The following PRAMEF19 variants were observed in gnomAD, a reference collection of about 807,000 sequenced individuals.
PRAMEF19 encodes PRAME family member 19.
In PRAMEF19, 21 loss-of-function variants were observed where a neutral mutation model predicts 33.1. That is an observed-to-expected ratio of 0.63 (90% CI 0.45 to 0.91). The LOEUF (loss-of-function observed/expected upper bound fraction) is 0.91, where lower values mean the gene tolerates loss of function less well. PRAMEF19 is among the 40% of genes least tolerant of loss of function. The probability of loss-of-function intolerance (pLI) is 0.00; values close to 1 mark genes in which losing one functional copy is unlikely to be tolerated. For missense variants in PRAMEF19, 481 were observed against 585.2 expected (o/e 0.82, Z 1.84); for synonymous variants, 179 against 229.3 (o/e 0.78, Z 1.98).
chr1:13,369,316 C>T (rs747000409), exon 3 of PRAMEF19: 1 of 1,612,086 alleles, frequency 6.2e-7, no homozygotes, highest in Non-Finnish European at 8.5e-7. Flanking sequence ...TGTGGCGCAG[C>T]AGGTCCTTCA....
In PRAMEF19 at chr1:13,371,606, C is replaced by T. The variant is rs1233848951; in HGVS notation, c.287+8G>A. Reference sequence around the variant, plus strand: ...ACACCTGGGCCCTCCCCACCTGGGTCACCTCACCTGGGGCGAACCTTTTGG... The same window carrying T: ...ACACCTGGGCCCTCCCCACCTGGGTTACCTCACCTGGGGCGAACCTTTTGG... On this transcript the variant is annotated splice_region_variant and intron_variant, in intron 1 of 2. Transcript: ENST00000376101. The T allele has an allele frequency of 6.2e-7, 1 of 1,610,780 alleles. No homozygotes were observed. The highest frequency in any genetic ancestry group is 8.5e-7 in the Non-Finnish European group (1 of 1,179,856).
exon 2 of PRAMEF19, chr1:13,370,793 T>C: frequency 5.6e-6 from 9 of 1,613,938 alleles, no homozygotes; most frequent in African/African-American, 1.3e-5. Flanking sequence ...ACCACAGCCA[T>C]CGGAGATGAA....
exon 1 of PRAMEF19, chr1:13,371,691 C>A: frequency 6.2e-7 from 1 of 1,610,334 alleles, no homozygotes; most frequent in Non-Finnish European, 8.5e-7. Flanking sequence ...CAGGCGTCTT[C>A]ATCAGGGACC....
chr1:13,370,825 C>G, exon 2 of PRAMEF19: 2 of 1,613,986 alleles, frequency 1.2e-6, no homozygotes, highest in Non-Finnish European at 1.7e-6. Flanking sequence ...GATTCTTCAT[C>G]TGGCTCAGGT....
chr1:13,369,106 T>C, exon 3 of PRAMEF19: 3 of 1,611,942 alleles, frequency 1.9e-6, no homozygotes, highest in South Asian at 1.1e-5. Flanking sequence ...TGAACTCCAG[T>C]TGCTCAGTGG....
downstream of PRAMEF19, among the ~76,000 whole-genome samples, chr1:13,368,768 C>T (rs75632973): frequency 4.0e-5 from 6 of 151,884 alleles, no homozygotes; most frequent in East Asian, 1.9e-4. Flanking sequence ...TGTTTTTTTT[C>T]CCACTCACAG....
In PRAMEF19 at chr1:13,370,923, T is replaced by C; in HGVS notation, c.592A>G (p.Ile198Val). 3.1e-6 allele frequency: 5 copies of C among 1,613,908 alleles called. No individual in the cohort carries two copies. The South Asian group carries it at 4.4e-5, about 14-fold the overall frequency. The change falls in exon 2 of 3, where the codon ATA becomes GTA. Residue 198 changes from isoleucine (I) to valine (V), a missense_variant. Ile to Val is a conservative substitution (Grantham distance 29). This residue lies in a region of PRAMEF19 where 392 missense variants were observed against 397.5 expected (regional missense o/e 0.99). Transcript: ENST00000376101. ...CTGTCTGGGTATACTGTTTCTAATA[T>C]GTTTCTGAAATTTAGAATGTTCATT...
At chr1:13,370,890 C>T in exon 2 of PRAMEF19, 3 of 1,613,986 alleles carry the variant, frequency 1.9e-6, no homozygotes, top group Non-Finnish European at 2.5e-6. Flanking sequence ...ATTTCCAATA[C>T]TTGGATACTG....
At chr1:13,369,013 C>T, downstream of PRAMEF19, 5 of 1,606,448 alleles carry the variant, frequency 3.1e-6, no homozygotes, top group Non-Finnish European at 4.3e-6. Context: ...TATCTATGTC[C>T]TAGATTTTAG....
exon 1 of PRAMEF19, chr1:13,371,637 C>G: frequency 2.5e-6 from 4 of 1,610,828 alleles, no homozygotes; most frequent in African/African-American, 1.3e-5. Context: ...TTTGGGCAAG[C>G]AGGCAATCAA....
intron 1 of PRAMEF19, among the ~76,000 whole-genome samples, 154 bp downstream of exon 1, chr1:13,371,460 T>C (rs1158677220): frequency 6.6e-6 from 1 of 150,918 alleles, no homozygotes; most frequent in African/African-American, 2.4e-5. Flanking sequence ...TGGTGAGCAG[T>C]CCTTTCCCAG....
At chr1:13,371,843 C>T in exon 1 of PRAMEF19, 1 of 1,611,954 alleles carries the variant, frequency 6.2e-7, no homozygotes, top group Non-Finnish European at 8.5e-7. Context: ...AAGGCCTGGT[C>T]CCTCAGCAGG....
At chr1:13,369,053 A>G (rs1640634218), downstream of PRAMEF19, 14 of 1,611,884 alleles carry the variant, frequency 8.7e-6, no homozygotes, top group Non-Finnish European at 1.2e-5. Flanking sequence ...AAAGCTTTTT[A>G]TACCTCCACC....
At chr1:13,371,571 T>C (rs1640672737) in intron 1 of PRAMEF19, 43 bp downstream of exon 1, 5 of 1,610,616 alleles carry the variant, frequency 3.1e-6, no homozygotes, top group Non-Finnish European at 4.2e-6. Context: ...CCCAGCTGCT[T>C]AGTCCCTGGA....
chr1:13,370,564 C>T, intron 2 of PRAMEF19, 85 bp downstream of exon 2: 1 of 1,545,386 alleles, frequency 6.5e-7, no homozygotes, highest in Non-Finnish European at 8.9e-7. Context: ...CAGTGGCTGG[C>T]ACACAGTAGA....
chr1:13,368,810 C>T (rs756290006), downstream of PRAMEF19, among the ~76,000 whole-genome samples: 152 of 152,186 alleles, frequency 1.0e-3, no homozygotes, highest in Non-Finnish European at 1.8e-3. Flanking sequence ...GGTTTCTCTG[C>T]TCCCTTTATA....
At chr1:13,369,609 A>G in exon 3 of PRAMEF19, 2 of 1,613,964 alleles carry the variant, frequency 1.2e-6, no homozygotes, top group Non-Finnish European at 1.7e-6. Flanking sequence ...CCATAAGTTA[A>G]TGCCAATGTC....
upstream of PRAMEF19, chr1:13,371,944 T>C (rs1303061510): frequency 0.011 from 17,614 of 1,611,770 alleles, 142 homozygotes; most frequent in Non-Finnish European, 0.013. Flanking sequence ...GACAAACTTA[T>C]CAGGCCAGTC....
At chr1:13,369,734 C>T in intron 2 of PRAMEF19, 94 bp from the exon 3 acceptor site, 3 of 1,548,908 alleles carry the variant, frequency 1.9e-6, no homozygotes, top group Non-Finnish European at 1.8e-6. Flanking sequence ...TTTGCCCAAA[C>T]ACAAGTTTGT....
Sources: allele counts gnomAD v4.1 joint callset (sites outside exome capture counted in the v4.1 genomes callset), GRCh38; gene constraint gnomAD v4.1.1; regional missense constraint gnomAD v4.1.1; transcripts MANE v1.5; gene names NCBI Gene and HGNC (gene_info 2026-07-23, HGNC 2026-07-21).